Variants in LINC00305 observed in about 807,000 individuals in gnomAD.
LINC00305 encodes long independently transcribed non-coding RNA 305, also known as long intergenic non-protein coding RNA 305.
At chr18:64,082,132 G>T (rs976326825) in intron 3 of LINC00305, among the ~76,000 whole-genome samples, 2 of 152,100 alleles carry the variant, frequency 1.3e-5, no homozygotes, top group Non-Finnish European at 2.9e-5. Flanking sequence ...TACAGCCAAA[G>T]GTCTCAAGAC....
At position 64,143,891 on chromosome 18, in the gene LINC00305, C is replaced by T. The variant is rs150951798; in HGVS notation, n.314+4884G>A. ...ACATATATGTATACATGTATATATA[C>T]ACACACACAGATAATTCTTAATTCA... is the stretch of plus-strand genomic sequence containing the variant. On this transcript the variant is annotated intron_variant and non_coding_transcript_variant, in intron 1 of 3. Transcript: ENST00000666468. 3.7e-3 allele frequency among the ~76,000 whole-genome samples: 567 copies of T among 151,832 alleles called. 4 individuals carry two copies. The highest frequency in any genetic ancestry group is 6.6e-3 in the Non-Finnish European group (451 of 67,908).
chr18:64,125,212 G>T (rs1218303126), intron 1 of LINC00305, among the ~76,000 whole-genome samples: 2 of 151,982 alleles, frequency 1.3e-5, no homozygotes, highest in Non-Finnish European at 2.9e-5. Flanking sequence ...TTTTCTAGCT[G>T]AGGACAACTT....
chr18:64,087,667 T>C (rs2051208462), intron 3 of LINC00305, among the ~76,000 whole-genome samples: 1 of 152,022 alleles, frequency 6.6e-6, no homozygotes, highest in African/African-American at 2.4e-5. Context: ...TATAGAAAAA[T>C]ATACGATTGC....
At chr18:64,105,163 T>TA (rs1303961799) in intron 1 of LINC00305, among the ~76,000 whole-genome samples, 1 of 152,100 alleles carries the variant, frequency 6.6e-6, no homozygotes, top group Non-Finnish European at 1.5e-5. Context: ...ACAGTGCATA[T>TA]AAAAAATGTT....
chr18:64,115,840 G>A (rs2051335167), intron 1 of LINC00305, among the ~76,000 whole-genome samples: 1 of 152,128 alleles, frequency 6.6e-6, no homozygotes, highest in Non-Finnish European at 1.5e-5. Flanking sequence ...TCTTTCTCAA[G>A]GATCTGGGAG....
intron 1 of LINC00305, among the ~76,000 whole-genome samples, chr18:64,122,334 C>T (rs2051365573): frequency 6.6e-6 from 1 of 151,958 alleles, no homozygotes; most frequent in Admixed American, 6.6e-5. Flanking sequence ...ATGTTTATGT[C>T]TTTGATTCAT....
chr18:64,138,329 T>C (rs752307113), intron 1 of LINC00305, among the ~76,000 whole-genome samples: 4 of 152,214 alleles, frequency 2.6e-5, no homozygotes, highest in Non-Finnish European at 4.4e-5. Flanking sequence ...CCTACTATTA[T>C]TTGAATTTGA....
intron 3 of LINC00305, among the ~76,000 whole-genome samples, chr18:64,096,873 A>T (rs192097053): frequency 6.2e-4 from 94 of 152,134 alleles, no homozygotes; most frequent in Non-Finnish European, 8.2e-4. Context: ...TGTTTAATGA[A>T]CACAAAGTTA....
intron 3 of LINC00305, among the ~76,000 whole-genome samples, chr18:64,081,505 T>C (rs2051184759): frequency 6.6e-6 from 1 of 152,202 alleles, no homozygotes. Flanking sequence ...GGAAAAAATG[T>C]TCTCAAAAGA....
intron 1 of LINC00305, chr18:64,139,370 T>G (rs912358029): frequency 6.6e-6 from 1 of 152,206 alleles, no homozygotes; most frequent in Non-Finnish European, 1.5e-5. Context: ...AAACGGGTAC[T>G]AGGTATAGCC....
chr18:64,096,573 G>C (rs1259299503), intron 3 of LINC00305, among the ~76,000 whole-genome samples: 1 of 151,736 alleles, frequency 6.6e-6, no homozygotes, highest in South Asian at 2.1e-4. Context: ...TAAATGTCGA[G>C]CGTTAACTAT....
chr18:64,094,865 A>G (rs1349812857), intron 3 of LINC00305, among the ~76,000 whole-genome samples: 1 of 150,234 alleles, frequency 6.7e-6, no homozygotes, highest in African/African-American at 2.4e-5. Flanking sequence ...AAAAATAAAT[A>G]AATAAATAAA....
chr18:64,132,445 G>A (rs1050978584), intron 1 of LINC00305, among the ~76,000 whole-genome samples: 2 of 152,178 alleles, frequency 1.3e-5, no homozygotes, highest in Non-Finnish European at 2.9e-5. Context: ...ATAATGATCT[G>A]TTTCAAGCGC....
At chr18:64,094,856 A>AAAAAAAAT (rs1555665402) in intron 3 of LINC00305, among the ~76,000 whole-genome samples, 1 of 120,768 alleles carries the variant, frequency 8.3e-6, no homozygotes, top group African/African-American at 2.7e-5. Context: ...TTCATCTCAA[A>AAAAAAAAT]AAATAAATAA....
At chr18:64,103,854 C>T (rs2051277973) in intron 1 of LINC00305, among the ~76,000 whole-genome samples, 1 of 152,142 alleles carries the variant, frequency 6.6e-6, no homozygotes, top group Non-Finnish European at 1.5e-5. Flanking sequence ...TTAATTTTAG[C>T]CTCAAAAAAT....
chr18:64,111,481 A>G (rs1221989882), intron 1 of LINC00305, among the ~76,000 whole-genome samples: 1 of 152,234 alleles, frequency 6.6e-6, no homozygotes, highest in Admixed American at 6.5e-5. Flanking sequence ...GCTCCCTGAT[A>G]CCCTGTCATT....
At chr18:64,108,691 G>T (rs2051302132) in intron 1 of LINC00305, among the ~76,000 whole-genome samples, 1 of 152,184 alleles carries the variant, frequency 6.6e-6, no homozygotes, top group African/African-American at 2.4e-5. Flanking sequence ...GGTCAAGAAA[G>T]TCACATCCAC....
chr18:64,133,193 C>A (rs1047248193), intron 1 of LINC00305, among the ~76,000 whole-genome samples: 1 of 152,078 alleles, frequency 6.6e-6, no homozygotes, highest in Non-Finnish European at 1.5e-5. Flanking sequence ...GGATTTTAAG[C>A]CATCTGCTAA....
intron 1 of LINC00305, among the ~76,000 whole-genome samples, chr18:64,128,969 A>G (rs1185656893): frequency 6.6e-6 from 1 of 152,178 alleles, no homozygotes; most frequent in African/African-American, 2.4e-5. Context: ...ACACGGGATC[A>G]ATTGTAAAAA....
Sources: allele counts gnomAD v4.1 joint callset (sites outside exome capture counted in the v4.1 genomes callset), GRCh38; gene constraint gnomAD v4.1.1; transcripts MANE v1.5; gene names NCBI Gene and HGNC (gene_info 2026-07-23, HGNC 2026-07-21).